The following TANC1 variants were observed in gnomAD, a reference collection of about 807,000 sequenced individuals.
TANC1 encodes the protein tetratricopeptide repeat, ankyrin repeat and coiled-coil containing 1.
TANC1 carries 77 observed loss-of-function variants against 149.7 expected under a neutral mutation model. That is an observed-to-expected ratio of 0.51 (90% CI 0.43 to 0.62). The LOEUF is 0.62. Ranked by LOEUF, TANC1 falls within the 20% of genes least tolerant of loss-of-function variation. TANC1 has a pLI of 0.00. For synonymous variants in TANC1, 854 were observed against 925.0 expected (o/e 0.92, Z 1.39); for missense variants, 1,985 against 2,321.8 (o/e 0.85, Z 2.98).
chr2:159,116,454 CAAAA>C (rs779142844), intron 4 of TANC1, among the ~76,000 whole-genome samples: 185 of 140,480 alleles, frequency 1.3e-3, no homozygotes, highest in African/African-American at 4.8e-3. Context: ...ACAACAACAA[CAAAA>C]AAAAAAAAAC....
At chr2:158,994,928 T>C (rs1323066549) in intron 1 of TANC1, among the ~76,000 whole-genome samples, 1 of 152,232 alleles carries the variant, frequency 6.6e-6, no homozygotes, top group East Asian at 1.9e-4. Context: ...TTTAAGCCTG[T>C]TTTGAGTTTG....
intron 2 of TANC1, among the ~76,000 whole-genome samples, chr2:159,011,474 A>G (rs1462258794): frequency 6.6e-6 from 1 of 151,950 alleles, no homozygotes; most frequent in African/African-American, 2.4e-5. Flanking sequence ...ATTCTGAACC[A>G]GTTCTGAGAG....
chr2:159,039,486 T>C (rs949874115), intron 2 of TANC1, among the ~76,000 whole-genome samples: 1 of 152,224 alleles, frequency 6.6e-6, no homozygotes, highest in African/African-American at 2.4e-5. Flanking sequence ...CCTGTGGGCA[T>C]TTAGTGCTAT....
At chr2:159,087,366 C>T (rs956283090) in intron 3 of TANC1, among the ~76,000 whole-genome samples, 1 of 150,862 alleles carries the variant, frequency 6.6e-6, no homozygotes, top group African/African-American at 2.4e-5. Context: ...AGAATGTTTT[C>T]TGGTTGATAT....
chr2:159,194,779 A>G lies in TANC1; in HGVS notation c.2979+286A>G, dbSNP rs150663681. On this transcript the variant is annotated intron_variant, in intron 17 of 26. Transcript: ENST00000263635. ...GCCAGCCTTTAAAAAGCCTGCAAGT[A>G]TCGATCTAGAAAGCACCAAGATTGG... Among the ~76,000 whole-genome samples the G allele has an allele frequency of 2.8e-3, 432 of 152,354 alleles. 3 individuals carry two copies. The highest frequency in any genetic ancestry group is 9.0e-3 in the African/African-American group (375 of 41,578).
At chr2:159,016,512 A>G (rs1449690218) in intron 2 of TANC1, among the ~76,000 whole-genome samples, 3 of 152,046 alleles carry the variant, frequency 2.0e-5, no homozygotes, top group Non-Finnish European at 2.9e-5. Flanking sequence ...CTCCTAATTC[A>G]GTACCTTCCT....
At chr2:159,224,547 T>G in intron 23 of TANC1, 183 bp downstream of exon 23, 6 of 689,684 alleles carry the variant, frequency 8.7e-6, no homozygotes, top group Non-Finnish European at 1.4e-5. Flanking sequence ...ACGGTGTTTC[T>G]GCGGGGAGGG....
At chr2:159,139,326 C>T (rs192381148) in intron 5 of TANC1, among the ~76,000 whole-genome samples, 23 of 152,290 alleles carry the variant, frequency 1.5e-4, no homozygotes, top group East Asian at 1.9e-4. Context: ...CTAGGAAAAA[C>T]GGATGACTTA....
At position 159,228,893 on chromosome 2, in the gene TANC1, G is replaced by T; in HGVS notation, c.4148G>T (p.Ser1383Ile). ...FYARARAKRN[S>I]RQFVAALADL... is the part of the protein sequence containing the mutation. ...GCCAGAGCAAGAGCGAAGAGAAATAGCAGGTACCGTCTGTGGTTATCTTTG... is the reference window on the plus strand; with the variant it reads ...GCCAGAGCAAGAGCGAAGAGAAATATCAGGTACCGTCTGTGGTTATCTTTG... Residue 1383 changes from serine to isoleucine, a missense_variant, in exon 26 of 27, where the codon AGC (serine) becomes ATC (isoleucine). Physicochemically the swap from Ser to Ile is moderately radical, Grantham distance 142. Coordinates refer to ENST00000263635, the MANE Select transcript of TANC1 (RefSeq NM_033394.3). The T allele has an allele frequency of 6.2e-7, 1 of 1,612,382 alleles. No individual in the cohort carries two copies. The highest frequency in any genetic ancestry group is 8.5e-7 in the Non-Finnish European group (1 of 1,178,382).
chr2:159,003,953 A>T (rs1050596632), intron 2 of TANC1: 8 of 1,612,608 alleles, frequency 5.0e-6, no homozygotes, highest in Non-Finnish European at 6.8e-6. Flanking sequence ...AGCTGATGAC[A>T]AAAAGCTTCA....
At chr2:159,209,877 G>A (rs1575276114) in intron 19 of TANC1, among the ~76,000 whole-genome samples, 1 of 152,134 alleles carries the variant, frequency 6.6e-6, no homozygotes, top group South Asian at 2.1e-4. Context: ...ACAATTAGAT[G>A]ACATTTGTGA....
chr2:159,197,604 A>C (rs199893361), intron 18 of TANC1, among the ~76,000 whole-genome samples: 2 of 143,720 alleles, frequency 1.4e-5, no homozygotes, highest in Middle Eastern at 3.3e-3. Context: ...TTAAACATTA[A>C]ACACACACAC....
At position 159,195,975 on chromosome 2, in the gene TANC1, C is replaced by T. The variant is rs1401237204; in HGVS notation, c.2980-633C>T. 4.6e-5 allele frequency among the ~76,000 whole-genome samples: 7 copies of T among 152,194 alleles called. No individual in the cohort carries two copies. In the East Asian group the frequency reaches 1.3e-3, roughly 29 times the overall value. ...TGAAGGGCTGCCGCTGCTTTGGGGCCTTGAGGAGTAGGTGTGTGGCACTCA... is the reference window on the plus strand; with the variant it reads ...TGAAGGGCTGCCGCTGCTTTGGGGCTTTGAGGAGTAGGTGTGTGGCACTCA... On this transcript the variant is annotated intron_variant, in intron 17 of 26. Transcript: ENST00000263635.
intron 14 of TANC1, among the ~76,000 whole-genome samples, chr2:159,181,294 T>A (rs2056441858): frequency 6.6e-6 from 1 of 151,404 alleles, no homozygotes; most frequent in Non-Finnish European, 1.5e-5. Context: ...CCTCATTGGA[T>A]TTTTTTGCTT....
At chr2:159,106,282 C>T (rs978503294) in intron 4 of TANC1, among the ~76,000 whole-genome samples, 5 of 152,158 alleles carry the variant, frequency 3.3e-5, no homozygotes, top group African/African-American at 9.7e-5. Flanking sequence ...ACCCCATACC[C>T]GTTACTAGTC....
At chr2:158,982,130 G>C (rs1373146711) in intron 1 of TANC1, among the ~76,000 whole-genome samples, 3 of 152,072 alleles carry the variant, frequency 2.0e-5, no homozygotes, top group Non-Finnish European at 4.4e-5. Context: ...TATATATAAA[G>C]AAGCTTTGCA....
chr2:159,073,014 T>C (rs981118303), intron 3 of TANC1, among the ~76,000 whole-genome samples: 1 of 152,248 alleles, frequency 6.6e-6, no homozygotes, highest in Non-Finnish European at 1.5e-5. Flanking sequence ...TATTTTACCT[T>C]TTAACCTCTA....
intron 4 of TANC1, among the ~76,000 whole-genome samples, chr2:159,114,474 G>A (rs1157573017): frequency 1.3e-5 from 2 of 152,080 alleles, no homozygotes; most frequent in East Asian, 1.9e-4. Context: ...AAGGTGGGGG[G>A]AAACATCTTA....
intron 19 of TANC1, 52 bp downstream of exon 19, chr2:159,199,105 G>C (rs563180956): frequency 2.6e-4 from 378 of 1,451,362 alleles, no homozygotes; most frequent in Middle Eastern, 2.6e-3. Flanking sequence ...TGATGTTTTA[G>C]CCCTATTTTG....
Sources: gnomAD v4.1 joint callset for allele counts (sites outside exome capture counted in the v4.1 genomes callset) on GRCh38, gnomAD v4.1.1 for gene constraint, MANE v1.5 for transcripts, NCBI Gene and HGNC (gene_info 2026-07-23, HGNC 2026-07-21) for gene names.